The following S100A8 variants were observed in gnomAD, a reference collection of about 807,000 sequenced individuals.
The protein encoded by S100A8 is protein S100-A8.
S100A8 carries 1 observed loss-of-function variant against 4.2 expected under a neutral mutation model. The observed-to-expected ratio is 0.24, with a 90% CI of 0.08 to 1.12. S100A8 has a LOEUF of 1.12. Ranked by LOEUF, S100A8 falls within the 50% of genes most tolerant of loss-of-function variation. The pLI, the probability that S100A8 is intolerant of heterozygous loss-of-function variation, is 0.53. For missense variants in S100A8, 96 were observed against 111.8 expected, an observed-to-expected ratio of 0.86 and a Z score of 0.64; for synonymous variants, 41 against 44.7, an observed-to-expected ratio of 0.92 and a Z score of 0.33.
chr1:153,419,296 G>C, the S100A8 span: 3 of 1,614,028 alleles, frequency 1.9e-6, no homozygotes, highest in East Asian at 4.5e-5. Context: ...CCCTGTTCTG[G>C]GGGAAGCCAG....
At chr1:153,407,856 G>C in the S100A8 span, among the ~76,000 whole-genome samples, 1 of 152,344 alleles carries the variant, frequency 6.6e-6, no homozygotes, top group South Asian at 2.1e-4. Flanking sequence ...CAGGCAAACA[G>C]GGTCTGGAGT....
chr1:153,407,102 G>A, the S100A8 span, among the ~76,000 whole-genome samples: 1 of 152,136 alleles, frequency 6.6e-6, no homozygotes, highest in Admixed American at 6.5e-5. Flanking sequence ...CATCTCACTG[G>A]GGCTTGTCAG....
At chr1:153,397,295 C>T in the S100A8 span, among the ~76,000 whole-genome samples, 31 of 152,088 alleles carry the variant, frequency 2.0e-4, no homozygotes, top group Non-Finnish European at 4.3e-4. Flanking sequence ...GGTTTGCATG[C>T]CTGTGCATTT....
Position 153,390,035 on chromosome 1 carries a change from G to A in S100A8, c.*68C>T, listed in dbSNP as rs1662043127. On this transcript the variant is annotated 3_prime_UTR_variant, in exon 3 of 3. Coordinates refer to ENST00000368733, the MANE Select transcript of S100A8 (RefSeq NM_002964.5). Reference sequence around the variant, plus strand: ...ACAAAAGCATAAGAGAGAGGCATGAGGTATTGATGACTTTATTATTCTGCA... The same window carrying A: ...ACAAAAGCATAAGAGAGAGGCATGAAGTATTGATGACTTTATTATTCTGCA... The A allele has an allele frequency of 1.5e-6, 2 of 1,359,156 alleles. No homozygotes were observed. Among genetic ancestry groups the A allele is most frequent in the East Asian group, 2.3e-5 (1 of 43,156 alleles). The allele number at this position is 1,359,156 out of a possible 1,614,324, so 84.2% of individuals were successfully genotyped here. A position where few individuals can be genotyped will look rare whatever the true frequency, so the allele number is the denominator to read the frequency against.
At chr1:153,413,100 C>T in the S100A8 span, among the ~76,000 whole-genome samples, 1 of 152,174 alleles carries the variant, frequency 6.6e-6, no homozygotes, top group African/African-American at 2.4e-5. Context: ...AGACTGCACG[C>T]TGTGCACATG....
At chr1:153,413,924 GA>G in the S100A8 span, among the ~76,000 whole-genome samples, 2 of 151,504 alleles carry the variant, frequency 1.3e-5, no homozygotes, top group East Asian at 1.9e-4. Context: ...AAACAAGAAA[GA>G]AAAAAAAGAT....
chr1:153,410,538 T>G, the S100A8 span, among the ~76,000 whole-genome samples: 2 of 152,186 alleles, frequency 1.3e-5, no homozygotes, highest in Non-Finnish European at 2.9e-5. Context: ...CACAACCGAA[T>G]TCTACCAGAG....
upstream of S100A8, among the ~76,000 whole-genome samples, chr1:153,392,362 T>C (rs1228877232): frequency 6.6e-6 from 1 of 152,168 alleles, no homozygotes; most frequent in Non-Finnish European, 1.5e-5. Context: ...CATAGAGAAT[T>C]GGAAGCCTAA....
the S100A8 span, among the ~76,000 whole-genome samples, chr1:153,397,090 A>G: frequency 2.0e-5 from 3 of 152,204 alleles, no homozygotes; most frequent in African/African-American, 7.2e-5. Context: ...CTTCGCATCC[A>G]CTGGCAGTAG....
chr1:153,421,427 G>A, the S100A8 span: 1 of 152,194 alleles, frequency 6.6e-6, no homozygotes, highest in Admixed American at 6.5e-5. Context: ...GGATCTCCTG[G>A]TTACCCAGCA....
At chr1:153,403,774 G>A in the S100A8 span, among the ~76,000 whole-genome samples, 1 of 152,270 alleles carries the variant, frequency 6.6e-6, no homozygotes, top group African/African-American at 2.4e-5. Context: ...AAATGTGTGG[G>A]GGTTATATTT....
the S100A8 span, among the ~76,000 whole-genome samples, chr1:153,415,713 C>CGGG: frequency 4.6e-4 from 12 of 26,360 alleles, no homozygotes; most frequent in African/African-American, 1.4e-3. Flanking sequence ...TTCCATGGGG[C>CGGG]GGGGGGGGCG....
chr1:153,412,999 G>T, the S100A8 span, among the ~76,000 whole-genome samples: 2 of 152,134 alleles, frequency 1.3e-5, no homozygotes, highest in Admixed American at 1.3e-4. Flanking sequence ...TTGGGGCAGC[G>T]GGGAGAGATA....
the S100A8 span, among the ~76,000 whole-genome samples, chr1:153,402,020 T>C: frequency 1.3e-5 from 2 of 152,094 alleles, no homozygotes; most frequent in African/African-American, 4.8e-5. Flanking sequence ...AAGGGGGAGC[T>C]GCTAGATGCA....
At chr1:153,394,543 C>T (rs1322217980), upstream of S100A8, among the ~76,000 whole-genome samples, 2 of 152,136 alleles carry the variant, frequency 1.3e-5, no homozygotes, top group Non-Finnish European at 2.9e-5. Flanking sequence ...GGTCCTGTCT[C>T]GGCGGAGAGT....
the S100A8 span, among the ~76,000 whole-genome samples, chr1:153,399,895 C>G: frequency 6.6e-6 from 1 of 152,268 alleles, no homozygotes; most frequent in Non-Finnish European, 1.5e-5. Context: ...GAGCGCGGCC[C>G]CCTCAGGGGA....
chr1:153,393,863 G>A (rs1019104281), upstream of S100A8, among the ~76,000 whole-genome samples: 4 of 152,300 alleles, frequency 2.6e-5, no homozygotes, highest in African/African-American at 4.8e-5. Context: ...GAGGCACAGG[G>A]CATTACTTCA....
the S100A8 span, among the ~76,000 whole-genome samples, chr1:153,407,059 T>C: frequency 6.6e-6 from 1 of 152,174 alleles, no homozygotes; most frequent in South Asian, 2.1e-4. Context: ...AGAAGACAGG[T>C]GATTTCTGCA....
At chr1:153,422,528 A>G in the S100A8 span, 1 of 985,228 alleles carries the variant, frequency 1.0e-6, no homozygotes, top group East Asian at 1.1e-4. Flanking sequence ...ATTACAGCTG[A>G]TGTGAAAGAG....
Sources: allele counts gnomAD v4.1 joint callset (sites outside exome capture counted in the v4.1 genomes callset), GRCh38; gene constraint gnomAD v4.1.1; transcripts MANE v1.5; gene names NCBI Gene and HGNC (gene_info 2026-07-23, HGNC 2026-07-21).